TENM3: variants seen among roughly 807,000 people sequenced by gnomAD.
TENM3 encodes the protein teneurin transmembrane protein 3, also known as teneurin-3.
TENM3 carries 63 observed loss-of-function variants against 255.1 expected under a neutral mutation model. The ratio of observed to expected loss-of-function variants is 0.25; its 90% CI spans 0.20 to 0.30. TENM3 has a LOEUF of 0.30. Ranked by LOEUF, TENM3 falls within the 10% of genes least tolerant of loss-of-function variation. The pLI is 1.00. For missense variants in TENM3, 2,929 were observed against 3,461.1 expected, an observed-to-expected ratio of 0.85 and a Z score of 3.86; for synonymous variants, 1,306 against 1,322.3, an observed-to-expected ratio of 0.99 and a Z score of 0.27.
At chr4:181,621,180 A>T in the TENM3 span, among the ~76,000 whole-genome samples, 3 of 152,194 alleles carry the variant, frequency 2.0e-5, no homozygotes, top group African/African-American at 7.2e-5. Context: ...GAAATTATTA[A>T]CAAAAGACTC....
At chr4:182,147,267 T>C (rs941604435) in intron 1 of TENM3, among the ~76,000 whole-genome samples, 5 of 152,128 alleles carry the variant, frequency 3.3e-5, no homozygotes, top group South Asian at 2.1e-4. Flanking sequence ...TTAGGCTCGG[T>C]GTACAAAAAA....
At chr4:181,574,650 C>G in the TENM3 span, among the ~76,000 whole-genome samples, 10 of 151,810 alleles carry the variant, frequency 6.6e-5, no homozygotes, top group East Asian at 1.9e-3. Flanking sequence ...GATGAGAGAA[C>G]AAGTTATTAG....
chr4:181,563,692 A>T, the TENM3 span, among the ~76,000 whole-genome samples: 1 of 152,194 alleles, frequency 6.6e-6, no homozygotes, highest in Non-Finnish European at 1.5e-5. Context: ...TCAACTTTTA[A>T]AACCAATTTT....
At chr4:181,891,483 G>A in the TENM3 span, among the ~76,000 whole-genome samples, 1 of 152,032 alleles carries the variant, frequency 6.6e-6, no homozygotes, top group Non-Finnish European at 1.5e-5. Flanking sequence ...GCTTCTCTTA[G>A]CCATCCTAAT....
At chr4:182,407,765 T>C (rs1769684475) in intron 3 of TENM3, among the ~76,000 whole-genome samples, 3 of 152,208 alleles carry the variant, frequency 2.0e-5, no homozygotes. Context: ...GACATCCCAA[T>C]GAATCATTAG....
chr4:181,609,680 G>C, the TENM3 span, among the ~76,000 whole-genome samples: 172 of 152,322 alleles, frequency 1.1e-3, 1 homozygote, highest in African/African-American at 4.0e-3. Context: ...AAGCAAAATA[G>C]ATTTTCTTGA....
At chr4:182,299,993 G>T (rs1198929743) in intron 1 of TENM3, among the ~76,000 whole-genome samples, 1 of 150,820 alleles carries the variant, frequency 6.6e-6, no homozygotes, top group African/African-American at 2.4e-5. Flanking sequence ...TTGGCTTAAT[G>T]CGGCCTCTGC....
the TENM3 span, among the ~76,000 whole-genome samples, chr4:181,841,227 C>A: frequency 6.6e-6 from 1 of 152,004 alleles, no homozygotes; most frequent in Admixed American, 6.6e-5. Flanking sequence ...AAATACTCTT[C>A]TTTTTTATTA....
intron 1 of TENM3, among the ~76,000 whole-genome samples, chr4:182,268,452 A>G (rs1023586544): frequency 2.0e-5 from 3 of 152,092 alleles, no homozygotes; most frequent in Non-Finnish European, 2.9e-5. Context: ...GGGTTCTCTT[A>G]TAAAAGGGAG....
chr4:182,452,874 T>C (rs1773580607), intron 3 of TENM3, among the ~76,000 whole-genome samples: 1 of 152,150 alleles, frequency 6.6e-6, no homozygotes, highest in Admixed American at 6.5e-5. Context: ...AGATGAAAAG[T>C]TATTCTAATA....
chr4:182,494,765 G>T (rs578204913), intron 3 of TENM3, among the ~76,000 whole-genome samples: 1 of 152,058 alleles, frequency 6.6e-6, no homozygotes. Flanking sequence ...TGTTTTACTC[G>T]AAGGTATGCC....
the TENM3 span, among the ~76,000 whole-genome samples, chr4:181,970,200 T>C: frequency 6.6e-6 from 1 of 152,208 alleles, no homozygotes; most frequent in African/African-American, 2.4e-5. Flanking sequence ...CCAGTAGTCA[T>C]TTAAATAATA....
chr4:182,695,658 G>A (rs1757347203), intron 12 of TENM3, among the ~76,000 whole-genome samples: 2 of 152,128 alleles, frequency 1.3e-5, no homozygotes, highest in Admixed American at 6.5e-5. Context: ...ATGAAGATAC[G>A]ACTTTGTCCT....
intron 3 of TENM3, among the ~76,000 whole-genome samples, chr4:182,516,256 A>G (rs745969886): frequency 5.3e-5 from 8 of 152,228 alleles, no homozygotes; most frequent in Non-Finnish European, 1.0e-4. Flanking sequence ...AATGGGAAAT[A>G]CCTGTACTTC....
At chr4:181,985,811 G>A in the TENM3 span, among the ~76,000 whole-genome samples, 1 of 152,108 alleles carries the variant, frequency 6.6e-6, no homozygotes, top group South Asian at 2.1e-4. Flanking sequence ...ATATGATTTA[G>A]TGGTTGTTTT....
the TENM3 span, among the ~76,000 whole-genome samples, chr4:181,485,426 T>C: frequency 6.6e-6 from 1 of 152,106 alleles, no homozygotes; most frequent in South Asian, 2.1e-4. Context: ...TGCTGACGCA[T>C]TATTCATCAC....
intron 3 of TENM3, among the ~76,000 whole-genome samples, chr4:182,598,523 T>TA (rs762791008): frequency 2.2e-4 from 33 of 152,366 alleles, no homozygotes; most frequent in Admixed American, 5.2e-4. Context: ...TCCCAATGGT[T>TA]ACGTTTTTAT....
In TENM3 at chr4:182,760,179, G is replaced by A. The variant is rs142250885; in HGVS notation, c.4892+4920G>A. On this transcript the variant is annotated intron_variant, in intron 22 of 27. Coordinates refer to ENST00000511685, the MANE Select transcript of TENM3 (RefSeq NM_001080477.4). ...GTGTCTTCAGTGAGTATTAGGGACC[G>A]CTTCATGCTGCTCTTCACACCACTT... 3.9e-3 allele frequency among the ~76,000 whole-genome samples: 593 copies of A among 152,210 alleles called. 5 individuals carry two copies. The highest frequency in any genetic ancestry group is 0.031 in the Middle Eastern group (9 of 294).
chr4:182,453,419 A>T (rs1345991857), intron 3 of TENM3, among the ~76,000 whole-genome samples: 1 of 152,228 alleles, frequency 6.6e-6, no homozygotes, highest in African/African-American at 2.4e-5. Context: ...ATACTATAGT[A>T]TTTAAAAGAA....
Sources: gnomAD v4.1 joint callset for allele counts (sites outside exome capture counted in the v4.1 genomes callset) on GRCh38, gnomAD v4.1.1 for gene constraint, MANE v1.5 for transcripts, NCBI Gene and HGNC (gene_info 2026-07-23, HGNC 2026-07-21) for gene names.